ZNF362: variants seen among roughly 807,000 people sequenced by gnomAD.
ZNF362 encodes the protein zinc finger protein 362, also known as rotund homolog.
In ZNF362, 11 loss-of-function variants were observed where a neutral mutation model predicts 42.9. The ratio of observed to expected loss-of-function variants is 0.26; its 90% CI spans 0.16 to 0.42. The LOEUF is 0.42. Ranked by LOEUF, ZNF362 falls within the 20% of genes least tolerant of loss-of-function variation. The probability of loss-of-function intolerance (pLI) is 1.00; values close to 1 mark genes in which losing one functional copy is unlikely to be tolerated. For missense variants in ZNF362, 362 were observed against 576.2 expected, an observed-to-expected ratio of 0.63 and a Z score of 3.81; for synonymous variants, 255 against 257.3, an observed-to-expected ratio of 0.99 and a Z score of 0.09.
chr1:33,209,013 G>A, the ZNF362 span, among the ~76,000 whole-genome samples: 2 of 152,150 alleles, frequency 1.3e-5, no homozygotes, highest in South Asian at 2.1e-4. Context: ...TTTTCAAAGG[G>A]AATGCTTCCA....
At chr1:33,220,647 G>A in the ZNF362 span, among the ~76,000 whole-genome samples, 1 of 152,128 alleles carries the variant, frequency 6.6e-6, no homozygotes, top group East Asian at 1.9e-4. Context: ...TTGCAGCATC[G>A]CAGGCCTGGG....
the ZNF362 span, among the ~76,000 whole-genome samples, chr1:33,214,979 C>G: frequency 6.6e-6 from 1 of 152,182 alleles, no homozygotes; most frequent in East Asian, 1.9e-4. Context: ...TATGATCTAG[C>G]AATTCCACTA....
chr1:33,145,881 ACTCC>A, the ZNF362 span: 50 of 470,772 alleles, frequency 1.1e-4, no homozygotes, highest in Admixed American at 2.1e-4. Context: ...CATTTCCCAG[ACTCC>A]CTTGCAGCCA....
the ZNF362 span, among the ~76,000 whole-genome samples, chr1:33,141,106 G>A: frequency 6.6e-6 from 1 of 152,062 alleles, no homozygotes; most frequent in Non-Finnish European, 1.5e-5. Context: ...GTTGGGGCCC[G>A]TGATGCTGAC....
chr1:33,142,809 T>C, the ZNF362 span: 1 of 152,214 alleles, frequency 6.6e-6, no homozygotes, highest in Non-Finnish European at 1.5e-5. Flanking sequence ...CATCTGGCTT[T>C]AGCTTTGGAT....
Position 33,296,009 on chromosome 1 carries a change from A to G in ZNF362, c.1146+704A>G, listed in dbSNP as rs368304817. ...TTTATTCACTCAGTCTTTACTAAAC[A>G]CTTCTGCCTGGTGCTCGGGCATTGG... On this transcript the variant is annotated intron_variant, in intron 8 of 8. Coordinates refer to ENST00000539719, the MANE Select transcript of ZNF362 (RefSeq NM_152493.3). 4.1e-4 allele frequency among the ~76,000 whole-genome samples: 63 copies of G among 152,208 alleles called. 1 individual carries two copies. The highest frequency in any genetic ancestry group is 1.4e-3 in the African/African-American group (60 of 41,528).
Position 33,260,228 on chromosome 1 carries a change from A to G in ZNF362, c.-89+3574A>G, listed in dbSNP as rs532737136. Among the ~76,000 whole-genome samples the G allele has an allele frequency of 2.0e-5, 3 of 152,346 alleles. No individual in the cohort carries two copies. The South Asian group carries it at 6.2e-4, about 32-fold the overall frequency. Reference sequence around the variant, plus strand: ...CTTTTCTAATGTTTCCTAGGCATTTATAAGAAAAAATATCTGAAGTACTTT... The same window carrying G: ...CTTTTCTAATGTTTCCTAGGCATTTGTAAGAAAAAATATCTGAAGTACTTT... On this transcript the variant is annotated intron_variant, in intron 1 of 8. Coordinates refer to ENST00000539719, the MANE Select transcript of ZNF362 (RefSeq NM_152493.3).
At chr1:33,150,854 G>A in the ZNF362 span, among the ~76,000 whole-genome samples, 1 of 152,160 alleles carries the variant, frequency 6.6e-6, no homozygotes, top group Non-Finnish European at 1.5e-5. Flanking sequence ...ATCACACTCA[G>A]GTGTGACAGT....
chr1:33,273,573 A>G (rs2148089077), intron 2 of ZNF362, among the ~76,000 whole-genome samples: 1 of 152,342 alleles, frequency 6.6e-6, no homozygotes, highest in Non-Finnish European at 1.5e-5. Flanking sequence ...GTCCTGGGCC[A>G]GGGCAGGAGT....
the ZNF362 span, among the ~76,000 whole-genome samples, chr1:33,232,444 A>G: frequency 2.6e-5 from 4 of 151,992 alleles, no homozygotes; most frequent in Non-Finnish European, 5.9e-5. Context: ...TGTATTTTTT[A>G]GCAGAGACGG....
At chr1:33,181,829 G>C in the ZNF362 span, among the ~76,000 whole-genome samples, 1 of 151,568 alleles carries the variant, frequency 6.6e-6, no homozygotes, top group African/African-American at 2.4e-5. This position sits in a 1 kb window ranked among gnomAD's most constrained non-coding sequence, Gnocchi z 6.5. Context: ...ATCCCGGGGT[G>C]GGGGCGGTGC....
At chr1:33,155,597 G>A in the ZNF362 span, among the ~76,000 whole-genome samples, 1 of 152,150 alleles carries the variant, frequency 6.6e-6, no homozygotes, top group African/African-American at 2.4e-5. Context: ...CGACGTTGGG[G>A]TTTAAGTCCT....
At chr1:33,292,832 G>A (rs574006349) in intron 6 of ZNF362, among the ~76,000 whole-genome samples, 1 of 152,346 alleles carries the variant, frequency 6.6e-6, no homozygotes, top group South Asian at 2.1e-4. Context: ...TGAAGAGGAT[G>A]CTGGCCTCAG....
the ZNF362 span, chr1:33,165,656 C>T: frequency 3.4e-6 from 4 of 1,166,068 alleles, no homozygotes; most frequent in East Asian, 8.6e-5. The surrounding 1 kb of genome is among the most constrained non-coding windows in gnomAD (Gnocchi z 4.0). Context: ...GGGGGTTAGC[C>T]TGGTCTCTGT....
the ZNF362 span, among the ~76,000 whole-genome samples, chr1:33,219,889 C>T: frequency 2.6e-5 from 4 of 152,314 alleles, no homozygotes; most frequent in Non-Finnish European, 4.4e-5. Context: ...CTTCCTTTCC[C>T]GTCTTCCTCC....
At chr1:33,159,955 C>G in the ZNF362 span, 1 of 1,599,190 alleles carries the variant, frequency 6.3e-7, no homozygotes, top group Non-Finnish European at 8.5e-7. The surrounding 1 kb of genome is among the most constrained non-coding windows in gnomAD (Gnocchi z 4.2). Flanking sequence ...CTGTGGGGGA[C>G]AGTCGTCAGG....
chr1:33,147,393 C>A, the ZNF362 span: 12 of 1,614,046 alleles, frequency 7.4e-6, no homozygotes, highest in Non-Finnish European at 1.0e-5. This position sits in a 1 kb window ranked among gnomAD's most constrained non-coding sequence, Gnocchi z 8.1. Context: ...TAAGCCGCGT[C>A]CAGGGCTCCG....
At chr1:33,270,927 G>A (rs371769539) in intron 2 of ZNF362, among the ~76,000 whole-genome samples, 1 of 152,188 alleles carries the variant, frequency 6.6e-6, no homozygotes, top group Non-Finnish European at 1.5e-5. Flanking sequence ...TTGGTATGCA[G>A]TGGGCCTCCT....
At chr1:33,159,732 G>A in the ZNF362 span, 9 of 1,612,088 alleles carry the variant, frequency 5.6e-6, no homozygotes, top group East Asian at 8.9e-5. The surrounding 1 kb of genome is among the most constrained non-coding windows in gnomAD (Gnocchi z 4.2). Flanking sequence ...TGTGCCGGTC[G>A]GTTTCAGCCA....
Sources: gnomAD v4.1 joint callset for allele counts (sites outside exome capture counted in the v4.1 genomes callset) on GRCh38, gnomAD v4.1.1 for gene constraint, Gnocchi (gnomAD v3.1) non-coding constraint, MANE v1.5 for transcripts, NCBI Gene and HGNC (gene_info 2026-07-23, HGNC 2026-07-21) for gene names.